The following SIPA1L3 variants were observed in gnomAD, a reference collection of about 807,000 sequenced individuals.
SIPA1L3 encodes the protein signal induced proliferation associated 1 like 3.
In SIPA1L3, 59 loss-of-function variants were observed where a neutral mutation model predicts 150.1. The ratio of observed to expected loss-of-function variants is 0.39; its 90% CI spans 0.32 to 0.49. The LOEUF is 0.49. Among genes scored for constraint, SIPA1L3 ranks in the 20% least tolerant of loss-of-function variants. The pLI is 0.86. For missense variants in SIPA1L3, 2,211 were observed against 2,489.5 expected, an observed-to-expected ratio of 0.89 and a Z score of 2.38; for synonymous variants, 1,070 against 1,077.6, an observed-to-expected ratio of 0.99 and a Z score of 0.14.
intron 12 of SIPA1L3, among the ~76,000 whole-genome samples, chr19:38,144,385 G>A (rs990492534): frequency 1.3e-5 from 2 of 152,264 alleles, no homozygotes; most frequent in Non-Finnish European, 2.9e-5. Flanking sequence ...GAGTGAGTGG[G>A]TTTGTTAAAA....
In SIPA1L3 at chr19:38,081,641, C is replaced by T. The variant is rs746139052; in HGVS notation, c.76C>T (p.Leu26Phe). 1.4e-5 allele frequency: 22 copies of T among 1,607,850 alleles called. No homozygotes were observed. Among genetic ancestry groups the T allele is most frequent in the Middle Eastern group, 3.3e-4 (2 of 5,976 alleles). Residue 26 changes from leucine (L) to phenylalanine (F), a missense_variant, in exon 3 of 22, where the codon CTC (leucine) becomes TTC (phenylalanine). By Grantham distance (22) the Leu-to-Phe change is conservative. This residue lies in a region of SIPA1L3 where 130 missense variants were observed against 174.5 expected (regional missense o/e 0.74). Coordinates refer to ENST00000222345, the MANE Select transcript of SIPA1L3 (RefSeq NM_015073.3). ...ASCGARVGDV[L>F]PGPHTGDYAP... ...CTGTGGCGCCAGGGTGGGCGATGTC[C>T]TCCCTGGGCCACACACAGGGGACTA...
chr19:38,108,203 C>T (rs747429729), intron 7 of SIPA1L3, among the ~76,000 whole-genome samples: 5 of 152,038 alleles, frequency 3.3e-5, no homozygotes, highest in South Asian at 2.1e-4. Flanking sequence ...TGACAGGGCC[C>T]GACACACAGG....
At chr19:37,996,058 C>T (rs1426353836) in intron 1 of SIPA1L3, among the ~76,000 whole-genome samples, 1 of 152,150 alleles carries the variant, frequency 6.6e-6, no homozygotes, top group Non-Finnish European at 1.5e-5. Context: ...GGAGTACAGG[C>T]ATGCACCACC....
chr19:38,071,773 A>T lies in SIPA1L3; in HGVS notation c.-310-9483A>T, dbSNP rs545287156. 8.5e-5 allele frequency among the ~76,000 whole-genome samples: 13 copies of T among 152,298 alleles called. No homozygotes were observed. In the South Asian group the frequency reaches 2.7e-3, roughly 32 times the overall value. On this transcript the variant is annotated intron_variant, in intron 2 of 21. Coordinates refer to ENST00000222345, the MANE Select transcript of SIPA1L3 (RefSeq NM_015073.3). Reference sequence around the variant, plus strand: ...TCAGCCAGCCTGTGATGGACAGGAAATGTGAGCAAGAACCAAGCCTCAGTT... The same window carrying T: ...TCAGCCAGCCTGTGATGGACAGGAATTGTGAGCAAGAACCAAGCCTCAGTT...
chr19:38,193,821 A>C (rs970487503), intron 18 of SIPA1L3, 41 bp downstream of exon 18: 4 of 1,502,704 alleles, frequency 2.7e-6, no homozygotes, highest in Non-Finnish European at 3.5e-6. Context: ...TAGTTACCCC[A>C]AGGTTGGGAG....
At chr19:38,197,496 A>G (rs757120039) in intron 18 of SIPA1L3, among the ~76,000 whole-genome samples, 1 of 150,252 alleles carries the variant, frequency 6.7e-6, no homozygotes, top group Non-Finnish European at 1.5e-5. Flanking sequence ...CGGCAACCCC[A>G]CCCCGTGTAA....
At chr19:38,041,716 A>G (rs936158109) in intron 2 of SIPA1L3, among the ~76,000 whole-genome samples, 1 of 152,104 alleles carries the variant, frequency 6.6e-6, no homozygotes. Context: ...AGCTGAGACT[A>G]CAGCCACAAG....
At chr19:38,013,945 G>A (rs1459585536) in intron 1 of SIPA1L3, among the ~76,000 whole-genome samples, 8 of 152,246 alleles carry the variant, frequency 5.3e-5, no homozygotes, top group Admixed American at 4.6e-4. Context: ...AATTTGATAA[G>A]ATCCTGTTGA....
intron 4 of SIPA1L3, among the ~76,000 whole-genome samples, chr19:38,093,133 A>G (rs548276583): frequency 1.6e-3 from 250 of 152,274 alleles, no homozygotes; most frequent in Middle Eastern, 6.8e-3. Flanking sequence ...TGCCGGGATT[A>G]CAGGCATGAG....
intron 13 of SIPA1L3, 54 bp downstream of exon 13, chr19:38,153,021 T>A: frequency 6.3e-7 from 1 of 1,578,768 alleles, no homozygotes; most frequent in East Asian, 2.3e-5. Context: ...CCGCAGGACC[T>A]CTTACTTAGA....
At chr19:38,030,903 AG>A in intron 2 of SIPA1L3, among the ~76,000 whole-genome samples, 1 of 151,984 alleles carries the variant, frequency 6.6e-6, no homozygotes, top group Non-Finnish European at 1.5e-5. Context: ...GGGAGGTGGA[AG>A]GGGGAGGATT....
chr19:38,018,628 T>C (rs150868289), intron 1 of SIPA1L3, among the ~76,000 whole-genome samples: 260 of 152,352 alleles, frequency 1.7e-3, no homozygotes, highest in African/African-American at 6.0e-3. Context: ...TTCCATTGTA[T>C]GGAGGTACCA....
chr19:38,146,276 CGTT>C (rs1326890837), intron 12 of SIPA1L3, among the ~76,000 whole-genome samples: 4 of 152,184 alleles, frequency 2.6e-5, no homozygotes, highest in African/African-American at 9.6e-5. Context: ...GGTTCATCCA[CGTT>C]GTCGCGAGTC....
intron 1 of SIPA1L3, among the ~76,000 whole-genome samples, chr19:37,976,716 T>C (rs1014966253): frequency 6.6e-6 from 1 of 152,080 alleles, no homozygotes; most frequent in East Asian, 1.9e-4. Flanking sequence ...AACCGGAGGG[T>C]TGCTTTGAGG....
At chr19:38,050,007 G>A (rs1969153215) in intron 2 of SIPA1L3, among the ~76,000 whole-genome samples, 1 of 152,154 alleles carries the variant, frequency 6.6e-6, no homozygotes, top group Non-Finnish European at 1.5e-5. Context: ...TGGAGCCGGT[G>A]ACCTGCGTTT....
chr19:38,189,721 G>A (rs902390901), intron 16 of SIPA1L3, among the ~76,000 whole-genome samples: 2 of 152,116 alleles, frequency 1.3e-5, no homozygotes, highest in East Asian at 1.9e-4. Flanking sequence ...AGGCAAGATC[G>A]TGCCATTGGG....
intron 2 of SIPA1L3, among the ~76,000 whole-genome samples, chr19:38,057,361 T>C (rs895337869): frequency 6.6e-5 from 10 of 151,262 alleles, no homozygotes; most frequent in African/African-American, 2.4e-4. Context: ...CGTATATATA[T>C]GTATATATAT....
chr19:38,202,990 A>C (rs1322839973), intron 20 of SIPA1L3, among the ~76,000 whole-genome samples: 1 of 152,220 alleles, frequency 6.6e-6, no homozygotes, highest in Non-Finnish European at 1.5e-5. Context: ...TTCTGCCTGT[A>C]CATGGATTTA....
rs1973245936 is a variant in SIPA1L3 at position 38,207,487 on chromosome 19, G to A, written c.*1247G>A. ...GTAGAGTTGGCGCCAGAACAAGCCT[G>A]TATGGCCACAGTCTGTGGATTCATC... On this transcript the variant is annotated 3_prime_UTR_variant, in exon 22 of 22. Transcript: ENST00000222345. 6.6e-6 allele frequency: 1 copy of A among 151,116 alleles called. No individual in the cohort carries two copies. Among genetic ancestry groups the A allele is most frequent in the African/African-American group, 2.4e-5 (1 of 41,116 alleles). 9.4% of individuals were successfully genotyped at this position (151,116 alleles called of 1,614,324 possible).
Sources: gnomAD v4.1 joint callset for allele counts (sites outside exome capture counted in the v4.1 genomes callset) on GRCh38, gnomAD v4.1.1 for gene constraint, gnomAD v4.1.1 regional missense constraint, MANE v1.5 for transcripts, NCBI Gene and HGNC (gene_info 2026-07-23, HGNC 2026-07-21) for gene names.